The following FAT4 variants were observed in gnomAD, a reference collection of about 807,000 sequenced individuals.
FAT4 encodes the protein protocadherin Fat 4.
A neutral mutation model predicts 303.9 loss-of-function variants in FAT4; 84 were observed. The ratio of observed to expected loss-of-function variants is 0.28; its 90% confidence interval spans 0.23 to 0.33. The LOEUF (loss-of-function observed/expected upper bound fraction) is 0.33, where lower values mean the gene tolerates loss of function less well. FAT4 is among the 10% of genes least tolerant of loss of function. The probability of loss-of-function intolerance (pLI) is 1.00; values close to 1 mark genes in which losing one functional copy is unlikely to be tolerated. For missense variants in FAT4, 6,005 were observed against 6,146.8 expected, an observed-to-expected ratio of 0.98 and a Z score of 0.77; for synonymous variants, 2,307 against 2,298.8, an observed-to-expected ratio of 1.00 and a Z score of -0.10.
intron 14 of FAT4, among the ~76,000 whole-genome samples, chr4:125,479,262 G>T (rs1727139293): frequency 6.6e-6 from 1 of 151,646 alleles, no homozygotes; most frequent in Non-Finnish European, 1.5e-5. Context: ...TTTATTTTCT[G>T]CCTCTTCCAC....
At position 125,481,678 on chromosome 4, in the gene FAT4, C is replaced by G; in HGVS notation, c.12762C>G (p.Thr4254=). 6.2e-7 allele frequency: 1 copy of G among 1,613,962 alleles called. No homozygotes were observed. The change falls in exon 16 of 18, where the codon ACC becomes ACG. Residue 4254 remains threonine (T), a synonymous_variant. Coordinates refer to ENST00000394329, the MANE Select transcript of FAT4 (RefSeq NM_001291303.3). ...ACAGTCTGGAAGTAAAATTTAGGAC[C>G]AGAAGCGAGAATGGCGTTTTAATCC... is the stretch of plus-strand genomic sequence containing the variant. The part of the protein sequence containing the change: ...GVNSLEVKFR[T]RSENGVLIHI...
At chr4:125,433,045 C>T (rs1234872541) in intron 7 of FAT4, among the ~76,000 whole-genome samples, 1 of 152,072 alleles carries the variant, frequency 6.6e-6, no homozygotes, top group African/African-American at 2.4e-5. Context: ...CATAAAAGCT[C>T]ATTGGTACTA....
In FAT4 at chr4:125,452,242, A is replaced by T. The variant is rs1211080168; in HGVS notation, c.11232A>T (p.Thr3744=). 3 of 1,614,244 alleles carry T rather than the reference A, an allele frequency of 1.9e-6. No homozygotes were observed. In the South Asian group the frequency reaches 3.3e-5, roughly 18 times the overall value. ...HFLRIASSQL[T]GLGTAVQLYS... ...TACGCATTGCCAGCTCACAGCTGAC[A>T]GGCTTAGGGACTGCTGTGCAACTGT... Residue 3744 remains threonine, a synonymous_variant, in exon 10 of 18, where the codon ACA becomes ACT. Coordinates refer to ENST00000394329, the MANE Select transcript of FAT4 (RefSeq NM_001291303.3).
In FAT4 at chr4:125,450,431, A is replaced by G. The variant is rs1354555197; in HGVS notation, c.9421A>G (p.Ile3141Val). The G allele has an allele frequency of 3.1e-6, 5 of 1,614,110 alleles. No individual in the cohort carries two copies. Among genetic ancestry groups the G allele is most frequent in the Non-Finnish European group, 4.2e-6 (5 of 1,180,006 alleles). The change falls in exon 10 of 18, where the codon ATC becomes GTC. Residue 3141 changes from isoleucine to valine, a missense_variant. Transcript: ENST00000394329. ...AGGAAATGAAGAAGGCATTTTTGCA[A>G]TCAATTCTTCTACAGGTATATTAAC... ...SSGNEEGIFAINSSTGILTLA... is the reference protein window; with the variant it reads ...SSGNEEGIFAVNSSTGILTLA...
rs1730710599 is a variant in FAT4, at chr4:125,317,973, G to A, written c.1562G>A (p.Gly521Glu). ...RYSIVSGNGL[G>E]WFHISEHSGL... is the part of the protein sequence containing the mutation. ...AGCATTGTCTCTGGCAATGGACTGG[G>A]ATGGTTCCATATCAGTGAACATAGC... The change falls in exon 2 of 18, where the codon GGA becomes GAA. Residue 521 changes from glycine (G) to glutamate (E), a missense_variant. Gly to Glu is a moderately conservative substitution (Grantham distance 98). Transcript: ENST00000394329. This position sits in a 1 kb window ranked among gnomAD's most constrained non-coding sequence, Gnocchi z 7.0. The A allele has an allele frequency of 2.5e-6, 4 of 1,614,214 alleles. No individual in the cohort carries two copies. The East Asian group carries it at 6.7e-5, about 27-fold the overall frequency.
chr4:125,427,982 CTT>C (rs1276111832), intron 7 of FAT4, among the ~76,000 whole-genome samples: 2 of 152,026 alleles, frequency 1.3e-5, no homozygotes, highest in African/African-American at 2.4e-5. Flanking sequence ...TGACCTGAAA[CTT>C]TTTTCTTTTT....
chr4:125,362,251 T>A (rs1234674835), intron 2 of FAT4, among the ~76,000 whole-genome samples: 6 of 152,158 alleles, frequency 3.9e-5, no homozygotes, highest in African/African-American at 1.2e-4. Flanking sequence ...CTTTCTCAAC[T>A]TTTTAGGGAT....
intron 2 of FAT4, among the ~76,000 whole-genome samples, chr4:125,342,271 G>C (rs1012207593): frequency 6.6e-6 from 1 of 151,856 alleles, no homozygotes; most frequent in South Asian, 2.1e-4. Context: ...TAAATTTAAA[G>C]CATCAAACAG....
intron 2 of FAT4, among the ~76,000 whole-genome samples, chr4:125,365,358 C>T (rs578197022): frequency 1.3e-5 from 2 of 152,234 alleles, no homozygotes; most frequent in South Asian, 2.1e-4. Flanking sequence ...ATATGTTGTC[C>T]AAAAGAATGT....
At position 125,491,118 on chromosome 4, in the gene FAT4, C is replaced by A; in HGVS notation, c.14302C>A (p.Pro4768Thr). ...GGCCATGGCATCACATGGTTCTAGA[C>A]CAGGGAGTCGCCTAAAGCAGCCGAT... is the stretch of plus-strand genomic sequence containing the variant. Reference protein sequence around the residue: ...PQAMASHGSRPGSRLKQPIGQ... With the variant: ...PQAMASHGSRTGSRLKQPIGQ... The change falls in exon 18 of 18, where the codon CCA (proline) becomes ACA (threonine). Residue 4768 changes from proline to threonine, a missense_variant. Pro to Thr is a conservative substitution (Grantham distance 38, BLOSUM62 -1). Coordinates refer to ENST00000394329, the MANE Select transcript of FAT4 (RefSeq NM_001291303.3). 6 of 1,614,136 alleles carry A rather than the reference C, an allele frequency of 3.7e-6. No individual in the cohort carries two copies. The highest frequency in any genetic ancestry group is 5.1e-6 in the Non-Finnish European group (6 of 1,180,026).
Position 125,476,169 on chromosome 4 carries a change from A to G in FAT4, c.12214-2A>G. The G allele has an allele frequency of 6.3e-7, 1 of 1,582,470 alleles. No homozygotes were observed. The highest frequency in any genetic ancestry group is 8.6e-7 in the Non-Finnish European group (1 of 1,157,278). ...TGAATGTTTCTTTCTCTTGCTTCGT[A>G]GGCAGCCTCCTTAACTGTGGACTCC... On this transcript the variant is annotated splice_acceptor_variant, in intron 12 of 17. Coordinates refer to ENST00000394329, the MANE Select transcript of FAT4 (RefSeq NM_001291303.3). LOFTEE classifies it high-confidence loss of function.
rs780248511 is a variant in FAT4 at position 125,321,042 on chromosome 4, G to A, written c.4631G>A (p.Gly1544Asp). The A allele has an allele frequency of 4.3e-6, 7 of 1,614,146 alleles. No individual in the cohort carries two copies. In the East Asian group the frequency reaches 1.6e-4, roughly 36 times the overall value. The stretch of plus-strand genomic sequence containing the variant: ...GCTGCAGACCCATCAGCTGTGATTG[G>A]TTCCGTTCTGACAACAATTATGGCT... Reference protein sequence around the residue: ...ALAADPSAVIGSVLTTIMAAD... With the variant: ...ALAADPSAVIDSVLTTIMAAD... Residue 1544 changes from glycine (G) to aspartate (D), a missense_variant, in exon 2 of 18, where the codon GGT becomes GAT. Coordinates refer to ENST00000394329, the MANE Select transcript of FAT4 (RefSeq NM_001291303.3).
rs181238374 is a variant in FAT4 at position 125,335,686 on chromosome 4, G to A, written c.5175+14100G>A. Among the ~76,000 whole-genome samples, 39 of 151,320 alleles carry A rather than the reference G, an allele frequency of 2.6e-4. No homozygotes were observed. The East Asian group carries it at 7.0e-3, about 27-fold the overall frequency. ...TATTTCATTTTTTTTTTCTGGAGGA[G>A]TTCTATTTATTATTCTTGAGTACAT... On this transcript the variant is annotated intron_variant, in intron 2 of 17. Coordinates refer to ENST00000394329, the MANE Select transcript of FAT4 (RefSeq NM_001291303.3).
At chr4:125,399,096 A>T (rs888706133) in intron 3 of FAT4, among the ~76,000 whole-genome samples, 181 bp downstream of exon 3, 2 of 152,130 alleles carry the variant, frequency 1.3e-5, no homozygotes, top group Non-Finnish European at 2.9e-5. Flanking sequence ...TACTATCAAG[A>T]GGTAATTTTC....
intron 2 of FAT4, among the ~76,000 whole-genome samples, chr4:125,387,108 T>C (rs188643100): frequency 1.6e-3 from 242 of 152,298 alleles, no homozygotes; most frequent in African/African-American, 5.4e-3. Flanking sequence ...TGCCCGCCCC[T>C]CACCTGCTGC....
rs60730341 is a variant in FAT4 at position 125,471,895 on chromosome 4, C to CAAAAAAAAAAAAAAAAAAAAA, written c.12213+3088_12213+3108dup. ...TGAAACCCTGTCTCTACTAAAAATA[C>CAAAAAAAAAAAAAAAAAAAAA]AAAAAAAAAAAAAAAAAAAAAAAAA... On this transcript the variant is annotated intron_variant, in intron 12 of 17. Transcript: ENST00000394329. 2.1e-4 allele frequency among the ~76,000 whole-genome samples: 12 copies of CAAAAAAAAAAAAAAAAAAAAA among 56,116 alleles called. 1 individual carries two copies. Among genetic ancestry groups the CAAAAAAAAAAAAAAAAAAAAA allele is most frequent in the East Asian group, 5.1e-4 (1 of 1,944 alleles). The allele number at this position is 56,116 out of a possible 152,430, so 36.8% of individuals were successfully genotyped here.
rs774363320 is a variant in FAT4 at position 125,491,303 on chromosome 4, G to A, written c.14487G>A (p.Arg4829=). The stretch of plus-strand genomic sequence containing the variant: ...GCAGAAGGCCACTGTCTAGAACAAG[G>A]AATCCAGCGGATGGCATTCCAGCTC... The part of the protein sequence containing the change: ...EDCRRPLSRT[R]NPADGIPAPE... The change falls in exon 18 of 18, where the codon AGG becomes AGA. Residue 4829 remains arginine, a synonymous_variant. Transcript: ENST00000394329. 1 of 1,614,184 alleles carries A rather than the reference G, an allele frequency of 6.2e-7. No individual in the cohort carries two copies. The highest frequency in any genetic ancestry group is 1.1e-5 in the South Asian group (1 of 91,086).
intron 2 of FAT4, among the ~76,000 whole-genome samples, chr4:125,374,409 A>G (rs972431528): frequency 3.3e-5 from 5 of 152,176 alleles, no homozygotes; most frequent in African/African-American, 1.2e-4. Flanking sequence ...ATTCCATAAG[A>G]GATTATTATA....
intron 5 of FAT4, among the ~76,000 whole-genome samples, chr4:125,413,650 A>AG (rs1323477044): frequency 2.0e-5 from 3 of 151,420 alleles, no homozygotes; most frequent in Admixed American, 6.6e-5. Context: ...TGGTAGAAAA[A>AG]AATCTCATAC....
Sources: allele counts gnomAD v4.1 joint callset (sites outside exome capture counted in the v4.1 genomes callset), GRCh38; gene constraint gnomAD v4.1.1; non-coding constraint Gnocchi (gnomAD v3.1); transcripts MANE v1.5; gene names NCBI Gene and HGNC (gene_info 2026-07-23, HGNC 2026-07-21).